TSHZ2: variants seen among roughly 807,000 people sequenced by gnomAD.
TSHZ2 encodes teashirt homolog 2.
A neutral mutation model predicts 74.4 loss-of-function variants in TSHZ2; 21 were observed. The ratio of observed to expected loss-of-function variants is 0.28; its 90% CI spans 0.20 to 0.41. The LOEUF is 0.41. TSHZ2 is among the 10% of genes least tolerant of loss of function. The probability of loss-of-function intolerance (pLI) is 1.00; values close to 1 mark genes in which losing one functional copy is unlikely to be tolerated. For missense variants in TSHZ2, 1,244 were observed against 1,293.5 expected, an observed-to-expected ratio of 0.96 and a Z score of 0.59; for synonymous variants, 540 against 515.3, an observed-to-expected ratio of 1.05 and a Z score of -0.65.
intron 1 of TSHZ2, among the ~76,000 whole-genome samples, chr20:53,167,091 C>T (rs1437488700): frequency 2.0e-5 from 3 of 152,110 alleles, no homozygotes; most frequent in Non-Finnish European, 4.4e-5. Context: ...GCAGCAGGTA[C>T]AAAGGTCCTG....
At chr20:52,998,415 C>T (rs796508184) in intron 1 of TSHZ2, among the ~76,000 whole-genome samples, 21 of 152,314 alleles carry the variant, frequency 1.4e-4, no homozygotes, top group African/African-American at 4.1e-4. Context: ...GTGATCCACC[C>T]GCCTTGGTTC....
chr20:53,185,845 C>G (rs1988585313), intron 1 of TSHZ2, among the ~76,000 whole-genome samples: 1 of 152,070 alleles, frequency 6.6e-6, no homozygotes. Flanking sequence ...ATACTTTTTC[C>G]ATATCTATCA....
chr20:52,982,085 G>A (rs915194776), intron 1 of TSHZ2, among the ~76,000 whole-genome samples: 1 of 152,342 alleles, frequency 6.6e-6, no homozygotes. Context: ...CAGGAGTTGG[G>A]ACAACAGAGA....
chr20:53,063,461 T>G (rs1471871537), intron 1 of TSHZ2, among the ~76,000 whole-genome samples: 2 of 152,196 alleles, frequency 1.3e-5, no homozygotes, highest in African/African-American at 4.8e-5. Flanking sequence ...ATATAAATTA[T>G]GGACAATTTA....
At chr20:53,330,254 G>A (rs1271554764) in intron 2 of TSHZ2, among the ~76,000 whole-genome samples, 2 of 152,078 alleles carry the variant, frequency 1.3e-5, no homozygotes, top group African/African-American at 4.8e-5. Flanking sequence ...GTAAGAAGAA[G>A]CCCAGTGCAC....
At chr20:53,356,620 G>C (rs749696685) in intron 2 of TSHZ2, among the ~76,000 whole-genome samples, 3 of 152,170 alleles carry the variant, frequency 2.0e-5, no homozygotes, top group East Asian at 1.9e-4. Flanking sequence ...ATAGATAAAA[G>C]CTGGCCAGGG....
intron 2 of TSHZ2, among the ~76,000 whole-genome samples, chr20:53,320,898 G>A (rs916488147): frequency 7.2e-5 from 11 of 152,308 alleles, no homozygotes; most frequent in Middle Eastern, 3.4e-3. Flanking sequence ...CATCGTTCCA[G>A]TTTAGGGTCA....
chr20:53,380,452 G>C (rs1249188483), intron 2 of TSHZ2, among the ~76,000 whole-genome samples: 2 of 152,180 alleles, frequency 1.3e-5, no homozygotes, highest in Non-Finnish European at 2.9e-5. Flanking sequence ...TTGAACATAG[G>C]AGTAACTCTC....
Position 53,492,068 on chromosome 20 carries a change from CAAAAA to C in TSHZ2, c.*4945_*4949del, listed in dbSNP as rs11472377. The C allele has an allele frequency of 4.2e-5, 5 of 118,876 alleles. No homozygotes were observed. The highest frequency in any genetic ancestry group is 8.9e-5 in the Non-Finnish European group (5 of 56,124). The allele number at this position is 118,876 out of a possible 1,614,324, so 7.4% of individuals were successfully genotyped here. A position where few individuals can be genotyped will look rare whatever the true frequency, so the allele number is the denominator to read the frequency against. ...TCAAAAAATTTGAACAAAGGCATTA[CAAAAA>C]AAAAAAAAAAACTAACCACTCCATT... On this transcript the variant is annotated 3_prime_UTR_variant, in exon 3 of 3. Transcript: ENST00000371497.
At chr20:53,363,376 C>A (rs1288260527) in intron 2 of TSHZ2, among the ~76,000 whole-genome samples, 1 of 152,226 alleles carries the variant, frequency 6.6e-6, no homozygotes, top group Non-Finnish European at 1.5e-5. Flanking sequence ...TTGAGTGTAA[C>A]AGGGTTCAAA....
At position 53,394,076 on chromosome 20, in the gene TSHZ2, G is replaced by A. The variant is rs75885531; in HGVS notation, c.*9-93068G>A. 1.1e-3 allele frequency among the ~76,000 whole-genome samples: 174 copies of A among 152,298 alleles called. 1 individual carries two copies. Among genetic ancestry groups the A allele is most frequent in the African/African-American group, 4.0e-3 (167 of 41,572 alleles). On this transcript the variant is annotated intron_variant, in intron 2 of 2. Coordinates refer to ENST00000371497, the MANE Select transcript of TSHZ2 (RefSeq NM_173485.6). The stretch of plus-strand genomic sequence containing the variant: ...GAAAAGCCATGTCACTGAATGTTCA[G>A]GACTTTTTAACGGTTGCTGATCCTG...
rs1287539585 is a variant in TSHZ2, at chr20:53,495,173, A to G, written c.*8038A>G. 1.3e-5 allele frequency: 2 copies of G among 152,240 alleles called. No homozygotes were observed. Among genetic ancestry groups the G allele is most frequent in the Admixed American group, 6.5e-5 (1 of 15,288 alleles). The allele number at this position is 152,240 out of a possible 1,614,324, so 9.4% of individuals were successfully genotyped here. A position where few individuals can be genotyped will look rare whatever the true frequency, so the allele number is the denominator to read the frequency against. On this transcript the variant is annotated 3_prime_UTR_variant, in exon 3 of 3. Transcript: ENST00000371497. ...GAAGAAAAAAAACACAGATGCACTT[A>G]AAACATGAAAAGAATTATTTATATG...
At chr20:53,321,402 CT>C (rs1979254881) in intron 2 of TSHZ2, among the ~76,000 whole-genome samples, 1 of 151,956 alleles carries the variant, frequency 6.6e-6, no homozygotes. Context: ...ATAGAAATTC[CT>C]TGTCAGGTGC....
At chr20:53,215,533 TG>T (rs1484729254) in intron 1 of TSHZ2, among the ~76,000 whole-genome samples, 1 of 149,894 alleles carries the variant, frequency 6.7e-6, no homozygotes, top group East Asian at 1.9e-4. Context: ...ATTTTTTTTT[TG>T]CCTTTGGGAG....
chr20:53,405,003 ATT>A (rs1191246024), intron 2 of TSHZ2, among the ~76,000 whole-genome samples: 2 of 152,230 alleles, frequency 1.3e-5, no homozygotes, highest in Admixed American at 6.5e-5. Flanking sequence ...GTAATCTAGC[ATT>A]TTGGGAGGCC....
chr20:53,383,955 A>T (rs1981951207), intron 2 of TSHZ2, among the ~76,000 whole-genome samples: 1 of 152,164 alleles, frequency 6.6e-6, no homozygotes, highest in African/African-American at 2.4e-5. Flanking sequence ...AGTAAGCCAG[A>T]TCCTACTTTG....
chr20:53,413,123 T>G (rs1568906435), intron 2 of TSHZ2, among the ~76,000 whole-genome samples: 1 of 152,014 alleles, frequency 6.6e-6, no homozygotes, highest in African/African-American at 2.4e-5. Flanking sequence ...GATGTCATCG[T>G]GGGTAACTGG....
chr20:53,247,691 C>A (rs1376410977), intron 1 of TSHZ2, among the ~76,000 whole-genome samples: 1 of 152,148 alleles, frequency 6.6e-6, no homozygotes, highest in Non-Finnish European at 1.5e-5. Flanking sequence ...TGCCTTGAAC[C>A]CTGTGGCATC....
chr20:53,369,498 G>A (rs776866778), intron 2 of TSHZ2, among the ~76,000 whole-genome samples: 5 of 152,104 alleles, frequency 3.3e-5, no homozygotes, highest in Non-Finnish European at 5.9e-5. Context: ...CCTGAGGCCA[G>A]GAGTTCAAGA....
Sources: allele counts gnomAD v4.1 joint callset (sites outside exome capture counted in the v4.1 genomes callset), GRCh38; gene constraint gnomAD v4.1.1; transcripts MANE v1.5; gene names NCBI Gene and HGNC (gene_info 2026-07-23, HGNC 2026-07-21).